SLC26A11: variants seen among roughly 807,000 people sequenced by gnomAD.
The protein encoded by SLC26A11 is sodium-independent sulfate anion transporter.
SLC26A11 carries 58 observed loss-of-function variants against 62.2 expected under a neutral mutation model. The observed-to-expected ratio is 0.93, with a 90% CI of 0.76 to 1.16. The LOEUF (loss-of-function observed/expected upper bound fraction) is 1.16. Ranked by LOEUF, SLC26A11 falls within the 50% of genes most tolerant of loss-of-function variation. The pLI, the probability that SLC26A11 is intolerant of heterozygous loss-of-function variation, is 0.00. For synonymous variants in SLC26A11, 411 were observed against 368.9 expected, an observed-to-expected ratio of 1.11 and a Z score of -1.31; for missense variants, 790 against 794.3, an observed-to-expected ratio of 0.99 and a Z score of 0.06.
Position 80,225,879 on chromosome 17 carries a change from C to G in SLC26A11, c.556C>G (p.Gln186Glu), listed in dbSNP as rs547334278. Residue 186 changes from glutamine (Q) to glutamate (E), a missense_variant, in exon 6 of 18, where the codon CAG (glutamine) becomes GAG (glutamate). Physicochemically the swap from Gln to Glu is conservative, Grantham distance 29. Coordinates refer to ENST00000361193, the MANE Select transcript of SLC26A11 (RefSeq NM_001166347.2). ...GAACATCCCCAGGCCGTTCTTCCTG[C>G]AGGTGTACCACACCTTCCTCAGGAT... Reference protein sequence around the residue: ...LQNIPRPFFLQVYHTFLRIAE... With the variant: ...LQNIPRPFFLEVYHTFLRIAE... 8.1e-6 allele frequency: 13 copies of G among 1,614,016 alleles called. No homozygotes were observed. The African/African-American group carries it at 1.7e-4, about 22-fold the overall frequency.
chr17:80,221,636 T>C lies in SLC26A11; in HGVS notation c.76T>C (p.Ser26Pro). 1 of 1,611,618 alleles carries C rather than the reference T, an allele frequency of 6.2e-7. No homozygotes were observed. Among genetic ancestry groups the C allele is most frequent in the Non-Finnish European group, 8.5e-7 (1 of 1,179,836 alleles). ...PGMAPSACCC[S>P]PAALQRRLPI... ...GATGGCCCCGAGCGCCTGCTGCTGCTCCCCTGCGGCCCTGCAGAGGAGGCT... is the reference window on the plus strand; with the variant it reads ...GATGGCCCCGAGCGCCTGCTGCTGCCCCCCTGCGGCCCTGCAGAGGAGGCT... The change falls in exon 3 of 18, where the codon TCC becomes CCC. Residue 26 changes from serine to proline, a missense_variant. Coordinates refer to ENST00000361193, the MANE Select transcript of SLC26A11 (RefSeq NM_001166347.2).
At chr17:80,234,424 A>G (rs1026204040) in intron 7 of SLC26A11, among the ~76,000 whole-genome samples, 1 of 151,736 alleles carries the variant, frequency 6.6e-6, no homozygotes, top group African/African-American at 2.4e-5. Context: ...AATATTCTTT[A>G]TCACTGGTTT....
rs548718107 is a variant in SLC26A11, at chr17:80,252,213, C to T, written c.1730-412C>T. Among the ~76,000 whole-genome samples, 1 of 152,300 alleles carries T rather than the reference C, an allele frequency of 6.6e-6. No homozygotes were observed. Among genetic ancestry groups the T allele is most frequent in the Admixed American group, 6.6e-5 (1 of 15,258 alleles). Reference sequence around the variant, plus strand: ...CCCAGGCCCCAGTGCTAGGCCTCTTCCTCTTCCACTGAGGTCACAGCTGAA... The same window carrying T: ...CCCAGGCCCCAGTGCTAGGCCTCTTTCTCTTCCACTGAGGTCACAGCTGAA... On this transcript the variant is annotated intron_variant, in intron 17 of 17. Transcript: ENST00000361193. The surrounding 1 kb of genome is among the most constrained non-coding windows in gnomAD (Gnocchi z 5.2).
chr17:80,247,402 C>T (rs1192312471), intron 13 of SLC26A11, among the ~76,000 whole-genome samples: 1 of 152,158 alleles, frequency 6.6e-6, no homozygotes, highest in Non-Finnish European at 1.5e-5. Context: ...GGGCTCCTCA[C>T]TTCCCAGTAG....
rs773204443 is a variant in SLC26A11 at position 80,223,345 on chromosome 17, C to T, written c.513+8C>T. ...GGCTTTGGACAGATCAAGGTAGGCACGGCGCCCACCCAGGGCACTGCTCTT... is the reference window on the plus strand; with the variant it reads ...GGCTTTGGACAGATCAAGGTAGGCATGGCGCCCACCCAGGGCACTGCTCTT... On this transcript the variant is annotated splice_region_variant and intron_variant, in intron 5 of 17. Transcript: ENST00000361193. The surrounding 1 kb of genome is among the most constrained non-coding windows in gnomAD (Gnocchi z 4.6). 3.2e-5 allele frequency: 51 copies of T among 1,613,606 alleles called. No individual in the cohort carries two copies. The highest frequency in any genetic ancestry group is 3.3e-4 in the Middle Eastern group (2 of 6,084).
intron 7 of SLC26A11, among the ~76,000 whole-genome samples, chr17:80,234,510 G>T (rs1287438261): frequency 6.6e-6 from 1 of 151,970 alleles, no homozygotes; most frequent in East Asian, 1.9e-4. Flanking sequence ...TTATGCTTGT[G>T]ATTCATTGAA....
chr17:80,238,608 G>A (rs978262079), intron 9 of SLC26A11, among the ~76,000 whole-genome samples: 32 of 152,112 alleles, frequency 2.1e-4, no homozygotes, highest in South Asian at 2.1e-4. Context: ...TTGTCTGTGC[G>A]GATGACACCT....
intron 15 of SLC26A11, 92 bp from the exon 16 acceptor site, chr17:80,249,062 C>A (rs1598845561): frequency 6.8e-7 from 1 of 1,467,804 alleles, no homozygotes; most frequent in African/African-American, 1.4e-5. Flanking sequence ...GCCTCTCTGT[C>A]CCCTGCCCCT....
chr17:80,237,640 T>C (rs2042736111), intron 9 of SLC26A11, 46 bp downstream of exon 9: 4 of 1,578,174 alleles, frequency 2.5e-6, no homozygotes, highest in Non-Finnish European at 3.5e-6. Flanking sequence ...GTGCGCCGGC[T>C]GGGCTAGGCC....
chr17:80,224,323 GTGTA>G (rs1206895256), intron 5 of SLC26A11, among the ~76,000 whole-genome samples: 3 of 150,000 alleles, frequency 2.0e-5, no homozygotes, highest in African/African-American at 5.0e-5. Flanking sequence ...GAGTGTGAGT[GTGTA>G]TGAGTGAGAG....
At position 80,229,162 on chromosome 17, in the gene SLC26A11, G is replaced by A. The variant is rs550679302; in HGVS notation, c.736+1202G>A. 2.0e-5 allele frequency among the ~76,000 whole-genome samples: 3 copies of A among 152,210 alleles called. No individual in the cohort carries two copies. In the South Asian group the frequency reaches 6.2e-4, roughly 32 times the overall value. ...CAACAGCCACAGAAGAGAGAGGGTGGCTGGATTTAGCTCTTGAGTCACTTC... is the reference window on the plus strand; with the variant it reads ...CAACAGCCACAGAAGAGAGAGGGTGACTGGATTTAGCTCTTGAGTCACTTC... On this transcript the variant is annotated intron_variant, in intron 7 of 17. Transcript: ENST00000361193.
rs569489286 is a variant in SLC26A11 at position 80,248,652 on chromosome 17, G to T, written c.1500G>T (p.Glu500Asp). 1.3e-6 allele frequency: 2 copies of T among 1,578,446 alleles called. No individual in the cohort carries two copies. Among genetic ancestry groups the T allele is most frequent in the Non-Finnish European group, 1.7e-6 (2 of 1,162,146 alleles). Residue 500 changes from glutamate to aspartate, a missense_variant, in exon 15 of 18, where the codon GAG (glutamate) becomes GAT (aspartate). Physicochemically the swap from Glu to Asp is conservative, Grantham distance 45. Transcript: ENST00000361193. The stretch of plus-strand genomic sequence containing the variant: ...CTGCCATGGAGGCTCTGCGGGAGGA[G>T]ATCCTAAGCCGGGCCCTGGAAGGTG... The part of the protein sequence containing the change: ...SFPAMEALRE[E>D]ILSRALEVSP...
At chr17:80,226,200 T>C (rs1183328736) in intron 6 of SLC26A11, among the ~76,000 whole-genome samples, 1 of 152,052 alleles carries the variant, frequency 6.6e-6, no homozygotes, top group Non-Finnish European at 1.5e-5. Flanking sequence ...TGTTCCTCTC[T>C]CCACAAAGCT....
chr17:80,251,013 C>T (rs375274578), intron 16 of SLC26A11, among the ~76,000 whole-genome samples: 3 of 151,506 alleles, frequency 2.0e-5, no homozygotes, highest in East Asian at 3.9e-4. Flanking sequence ...TGGCGTGCAC[C>T]TGTAGCTACT....
chr17:80,222,923 G>T lies in SLC26A11; in HGVS notation c.427+76G>T, dbSNP rs1247291342. The T allele has an allele frequency of 2.8e-6, 4 of 1,409,418 alleles. No individual in the cohort carries two copies. Among genetic ancestry groups the T allele is most frequent in the Non-Finnish European group, 3.8e-6 (4 of 1,044,108 alleles). 87.3% of individuals were successfully genotyped at this position (1,409,418 alleles called of 1,614,324 possible). On this transcript the variant is annotated intron_variant, in intron 4 of 17. Transcript: ENST00000361193. The surrounding 1 kb of genome is among the most constrained non-coding windows in gnomAD (Gnocchi z 4.7). The stretch of plus-strand genomic sequence containing the variant: ...TTGTTTGCATTTCAAGTCTATCCCC[G>T]TGTGCGTGTGTGTGCGTGTTGGGGT...
In SLC26A11 at chr17:80,251,279, G is replaced by A. The variant is rs138983772; in HGVS notation, c.1657-50G>A. On this transcript the variant is annotated intron_variant, in intron 16 of 17. Coordinates refer to ENST00000361193, the MANE Select transcript of SLC26A11 (RefSeq NM_001166347.2). ...CAGGTCTACCAGGCTGCCGACCCGT[G>A]TGCTACAGAGGAACATCCCTGCCCT... is the stretch of plus-strand genomic sequence containing the variant. The A allele has an allele frequency of 1.9e-6, 3 of 1,613,746 alleles. No individual in the cohort carries two copies. In the Admixed American group the frequency reaches 5.0e-5, roughly 27 times the overall value.
rs1383560506 is a variant in SLC26A11 at position 80,228,688 on chromosome 17, C to T, written c.736+728C>T. On this transcript the variant is annotated intron_variant, in intron 7 of 17. Transcript: ENST00000361193. The surrounding 1 kb of genome is among the most constrained non-coding windows in gnomAD (Gnocchi z 4.1). Reference sequence around the variant, plus strand: ...CAGCCTTCCACAGCAAACAGTGATCCGGCCCAAAATGTCGGCGGTGCCGAG... The same window carrying T: ...CAGCCTTCCACAGCAAACAGTGATCTGGCCCAAAATGTCGGCGGTGCCGAG... Among the ~76,000 whole-genome samples, 8 of 152,224 alleles carry T rather than the reference C, an allele frequency of 5.3e-5. No homozygotes were observed. The highest frequency in any genetic ancestry group is 4.1e-4 in the South Asian group (2 of 4,828).
rs2042485352 is a variant in SLC26A11 at position 80,228,802 on chromosome 17, A to G, written c.736+842A>G. On this transcript the variant is annotated intron_variant, in intron 7 of 17. Transcript: ENST00000361193. The surrounding 1 kb of genome is among the most constrained non-coding windows in gnomAD (Gnocchi z 4.1). ...GGCTCTGTTTGAATTGTGCAGCTTTATGGGGGTACAACTTCAGCTTCAGGC... is the reference window on the plus strand; with the variant it reads ...GGCTCTGTTTGAATTGTGCAGCTTTGTGGGGGTACAACTTCAGCTTCAGGC... Among the ~76,000 whole-genome samples the G allele has an allele frequency of 6.6e-6, 1 of 152,310 alleles. No homozygotes were observed. The highest frequency in any genetic ancestry group is 6.5e-5 in the Admixed American group (1 of 15,294).
rs182802137 is a variant in SLC26A11, at chr17:80,246,612, C to A, written c.1257C>A (p.Phe419Leu). 6.2e-7 allele frequency: 1 copy of A among 1,613,936 alleles called. No individual in the cohort carries two copies. Among genetic ancestry groups the A allele is most frequent in the South Asian group, 1.1e-5 (1 of 91,076 alleles). Reference protein sequence around the residue: ...AVIIMAVAPLFDTKIFRTLWR... With the variant: ...AVIIMAVAPLLDTKIFRTLWR... ...TCATCATGGCCGTGGCCCCGCTGTT[C>A]GACACCAAGATCTTCAGGACGCTCT... The change falls in exon 13 of 18, where the codon TTC becomes TTA. Residue 419 changes from phenylalanine (F) to leucine (L), a missense_variant. Phe to Leu is a conservative substitution (Grantham distance 22). Coordinates refer to ENST00000361193, the MANE Select transcript of SLC26A11 (RefSeq NM_001166347.2). This position sits in a 1 kb window ranked among gnomAD's most constrained non-coding sequence, Gnocchi z 4.4.
Sources: allele counts gnomAD v4.1 joint callset (sites outside exome capture counted in the v4.1 genomes callset), GRCh38; gene constraint gnomAD v4.1.1; non-coding constraint Gnocchi (gnomAD v3.1); transcripts MANE v1.5; gene names NCBI Gene and HGNC (gene_info 2026-07-23, HGNC 2026-07-21).